OXER1: variants seen among roughly 807,000 people sequenced by gnomAD.
OXER1 encodes oxoeicosanoid receptor 1.
For synonymous variants in OXER1, 258 were observed against 245.8 expected, an observed-to-expected ratio of 1.05 and a Z score of -0.47; for missense variants, 587 against 551.7, an observed-to-expected ratio of 1.06 and a Z score of -0.64.
chr2:42,762,656 A>G (rs1170682571), exon 1 of OXER1: 9 of 510,760 alleles, frequency 1.8e-5, no homozygotes, highest in Non-Finnish European at 2.8e-5. Context: ...TGCCAACGGC[A>G]CCTTGCCTGT....
rs1011798961 is a variant in OXER1 at position 42,763,888 on chromosome 2, T to C, written c.292A>G (p.Ile98Val). The change falls in exon 1 of 1, where the codon ATC becomes GTC. Residue 98 changes from isoleucine (I) to valine (V), a missense_variant. By Grantham distance (29) the Ile-to-Val change is conservative. Transcript: ENST00000378661. This position sits in a 1 kb window ranked among gnomAD's most constrained non-coding sequence, Gnocchi z 4.4. ...CCCAGGACAAACTCCAGGGCCAGGA[T>C]TGGTGCCAGGAAGGCAGACACCAGC... is the stretch of plus-strand genomic sequence containing the variant. The C allele has an allele frequency of 1.2e-6, 2 of 1,613,768 alleles. No homozygotes were observed. The highest frequency in any genetic ancestry group is 8.5e-7 in the Non-Finnish European group (1 of 1,179,974).
chr2:42,764,115 C>T lies in OXER1; in HGVS notation c.65G>A (p.Cys22Tyr), dbSNP rs774249867. 2.5e-6 allele frequency: 4 copies of T among 1,614,042 alleles called. No individual in the cohort carries two copies. In the East Asian group the frequency reaches 6.7e-5, roughly 27 times the overall value. ...AAGGTTCTGGAGTCTTCTACCCCTG[C>T]AGGAGTGCTCAGGGCAAAGTGGGAT... The change falls in exon 1 of 1, where the codon TGC (cysteine) becomes TAC (tyrosine). Residue 22 changes from cysteine to tyrosine, a missense_variant. Cys to Tyr is a radical substitution (Grantham distance 194, BLOSUM62 -2). Transcript: ENST00000378661.
At chr2:42,764,053 G>A (rs761848018) in exon 1 of OXER1, 17 of 1,613,992 alleles carry the variant, frequency 1.1e-5, no homozygotes, top group Non-Finnish European at 1.4e-5. Context: ...CTCAGGTTAT[G>A]AAGTTCCATG....
exon 1 of OXER1, chr2:42,762,927 T>G (rs750743290): frequency 6.2e-7 from 1 of 1,612,924 alleles, no homozygotes; most frequent in Admixed American, 1.7e-5. Flanking sequence ...GGAGGAGCCT[T>G]CCTTTTCCAG....
Position 42,763,608 on chromosome 2 carries a change from T to G in OXER1, c.572A>C (p.Tyr191Ser). The G allele has an allele frequency of 6.2e-7, 1 of 1,610,436 alleles. No homozygotes were observed. The highest frequency in any genetic ancestry group is 8.5e-7 in the Non-Finnish European group (1 of 1,178,456). Residue 191 changes from tyrosine to serine, a missense_variant, in exon 1 of 1, where the codon TAC (tyrosine) becomes TCC (serine). By Grantham distance (144) the Tyr-to-Ser change is moderately radical (BLOSUM62 -2). Transcript: ENST00000378661. This position sits in a 1 kb window ranked among gnomAD's most constrained non-coding sequence, Gnocchi z 4.4. ...GTGGTGGGGCTGCACCACCTTCAGGTAGCGGTTGAGTGCGATGGCTGTGAG... is the reference window on the plus strand; with the variant it reads ...GTGGTGGGGCTGCACCACCTTCAGGGAGCGGTTGAGTGCGATGGCTGTGAG...
At position 42,763,265 on chromosome 2, in the gene OXER1, G is replaced by C. The variant is rs756274880; in HGVS notation, c.915C>G (p.Thr305=). Residue 305 remains threonine, a synonymous_variant, in exon 1 of 1, where the codon ACC becomes ACG. Coordinates refer to ENST00000378661, the Ensembl canonical transcript of OXER1. The surrounding 1 kb of genome is among the most constrained non-coding windows in gnomAD (Gnocchi z 4.4). ...AGATGATGCTGGGCAAGAAGCAGAT[G>C]GTGTAGACGGCCACCACCATGGCCA... The C allele has an allele frequency of 4.3e-6, 7 of 1,612,904 alleles. No individual in the cohort carries two copies. The highest frequency in any genetic ancestry group is 5.1e-6 in the Non-Finnish European group (6 of 1,179,660).
At chr2:42,762,736 G>C (rs1670497724) in exon 1 of OXER1, 1 of 673,752 alleles carries the variant, frequency 1.5e-6, no homozygotes. Context: ...GAGAGGCCTA[G>C]GTGGGTTTCT....
In OXER1 at chr2:42,763,352, C is replaced by T. The variant is rs1377867624; in HGVS notation, c.828G>A (p.Gly276=). The T allele has an allele frequency of 1.9e-6, 3 of 1,611,728 alleles. No individual in the cohort carries two copies. The highest frequency in any genetic ancestry group is 4.5e-5 in the East Asian group (2 of 44,836). Residue 276 remains glycine, a synonymous_variant, in exon 1 of 1, where the codon GGG becomes GGA. Transcript: ENST00000378661. The surrounding 1 kb of genome is among the most constrained non-coding windows in gnomAD (Gnocchi z 4.4). ...CCAGACCACGGTTCCGGATGGTGAGCCCAATGCTCACAATAGCAAAGAGGA... is the reference window on the plus strand; with the variant it reads ...CCAGACCACGGTTCCGGATGGTGAGTCCAATGCTCACAATAGCAAAGAGGA...
At position 42,763,419 on chromosome 2, in the gene OXER1, T is replaced by G; in HGVS notation, c.761A>C (p.Gln254Pro). The G allele has an allele frequency of 6.3e-7, 1 of 1,588,340 alleles. No homozygotes were observed. The highest frequency in any genetic ancestry group is 1.1e-5 in the South Asian group (1 of 88,172). The change falls in exon 1 of 1, where the codon CAG becomes CCG. Residue 254 changes from glutamine to proline, a missense_variant. Transcript: ENST00000378661. The surrounding 1 kb of genome is among the most constrained non-coding windows in gnomAD (Gnocchi z 4.4). ...GAAGAACTCCAGCAGGTACAGTGCCTGGTGCCAGCGGAGCGAGGCCGAGGG... is the reference window on the plus strand; with the variant it reads ...GAAGAACTCCAGCAGGTACAGTGCCGGGTGCCAGCGGAGCGAGGCCGAGGG...
In OXER1 at chr2:42,763,629, G is replaced by T. The variant is rs1670541931; in HGVS notation, c.551C>A (p.Thr184Lys). 3 of 1,613,424 alleles carry T rather than the reference G, an allele frequency of 1.9e-6. No homozygotes were observed. Among genetic ancestry groups the T allele is most frequent in the African/African-American group, 2.7e-5 (2 of 74,932 alleles). The change falls in exon 1 of 1, where the codon ACA becomes AAA. Residue 184 changes from threonine to lysine, a missense_variant. Physicochemically the swap from Thr to Lys is moderately conservative, Grantham distance 78 (BLOSUM62 -1). Coordinates refer to ENST00000378661, the Ensembl canonical transcript of OXER1. The surrounding 1 kb of genome is among the most constrained non-coding windows in gnomAD (Gnocchi z 4.4). ...CAGGTAGCGGTTGAGTGCGATGGCT[G>T]TGAGGAAGACAACGCTGGCCGTGCG...
chr2:42,763,740 A>T lies in OXER1; in HGVS notation c.440T>A (p.Leu147His), dbSNP rs1558653247. 2 of 1,614,084 alleles carry T rather than the reference A, an allele frequency of 1.2e-6. No individual in the cohort carries two copies. The highest frequency in any genetic ancestry group is 1.7e-6 in the Non-Finnish European group (2 of 1,180,012). Reference sequence around the variant, plus strand: ...ATGGAGGAGGTAGTAGTCCACGCGGAGGGGCAGGTTGCTGATCAGGAGGAA... The same window carrying T: ...ATGGAGGAGGTAGTAGTCCACGCGGTGGGGCAGGTTGCTGATCAGGAGGAA... The change falls in exon 1 of 1, where the codon CTC becomes CAC. Residue 147 changes from leucine (L) to histidine (H), a missense_variant. Leu to His is a moderately conservative substitution (Grantham distance 99). Coordinates refer to ENST00000378661, the Ensembl canonical transcript of OXER1. This position sits in a 1 kb window ranked among gnomAD's most constrained non-coding sequence, Gnocchi z 4.4.
chr2:42,763,893 G>A lies in OXER1; in HGVS notation c.287C>T (p.Ala96Val). The A allele has an allele frequency of 6.2e-7, 1 of 1,613,972 alleles. No individual in the cohort carries two copies. The highest frequency in any genetic ancestry group is 8.5e-7 in the Non-Finnish European group (1 of 1,180,032). ...GACAAACTCCAGGGCCAGGATTGGT[G>A]CCAGGAAGGCAGACACCAGCGAGGA... is the stretch of plus-strand genomic sequence containing the variant. Residue 96 changes from alanine (A) to valine (V), a missense_variant, in exon 1 of 1, where the codon GCA becomes GTA. By Grantham distance (64) the Ala-to-Val change is moderately conservative (BLOSUM62 0). Transcript: ENST00000378661. The surrounding 1 kb of genome is among the most constrained non-coding windows in gnomAD (Gnocchi z 4.4).
rs149479883 is a variant in OXER1, at chr2:42,762,948, C to T, written c.1232G>A (p.Gly411Asp). Residue 411 changes from glycine (G) to aspartate (D), a missense_variant, in exon 1 of 1, where the codon GGC becomes GAC. Gly to Asp is a moderately conservative substitution (Grantham distance 94, BLOSUM62 -1). Coordinates refer to ENST00000378661, the Ensembl canonical transcript of OXER1. ...GCCTTCCTTTTCCAGAGAGACCTCG[C>T]CCTGCACTTTCAGCTTCCCTATGGC... 705 of 1,613,672 alleles carry T rather than the reference C, an allele frequency of 4.4e-4. 1 individual carries two copies. Among genetic ancestry groups the T allele is most frequent in the Middle Eastern group, 1.7e-3 (10 of 6,060 alleles).
chr2:42,763,520 G>A lies in OXER1; in HGVS notation c.660C>T (p.Ile220=). 6.4e-7 allele frequency: 1 copy of A among 1,555,732 alleles called. No individual in the cohort carries two copies. Among genetic ancestry groups the A allele is most frequent in the Non-Finnish European group, 8.7e-7 (1 of 1,150,004 alleles). Residue 220 remains isoleucine (I), a synonymous_variant, in exon 1 of 1, where the codon ATC becomes ATT. Coordinates refer to ENST00000378661, the Ensembl canonical transcript of OXER1. This position sits in a 1 kb window ranked among gnomAD's most constrained non-coding sequence, Gnocchi z 4.4. ...GGAGCAGGTGCCCGTTGAGGAGCAG[G>A]ATGCCCACCCAGAGTCCCCCGGCCA...
the OXER1 span, chr2:42,763,329 AG>A: frequency 1.9e-6 from 3 of 1,612,984 alleles, no homozygotes; most frequent in Non-Finnish European, 2.5e-6. The surrounding 1 kb of genome is among the most constrained non-coding windows in gnomAD (Gnocchi z 4.4). Context: ...CTGCCCGCCC[AG>A]ACCACGGTTC....
At chr2:42,762,923 G>C (rs1007944333) in exon 1 of OXER1, 2 of 1,612,652 alleles carry the variant, frequency 1.2e-6, no homozygotes, top group Non-Finnish European at 8.5e-7. Flanking sequence ...CCTGGGAGGA[G>C]CCTTCCTTTT....
At chr2:42,762,778 C>CTTTG in exon 1 of OXER1, 1 of 1,105,836 alleles carries the variant, frequency 9.0e-7, no homozygotes, top group Non-Finnish European at 1.3e-6. Flanking sequence ...CCTGCCAGTG[C>CTTTG]TTTGGCCTGG....
rs759572081 is a variant in OXER1, at chr2:42,763,029, C to T, written c.1151G>A (p.Ser384Asn). 71 of 1,613,978 alleles carry T rather than the reference C, an allele frequency of 4.4e-5. No homozygotes were observed. Among genetic ancestry groups the T allele is most frequent in the Non-Finnish European group, 5.8e-5 (69 of 1,180,040 alleles). ...CCACTGCCTGGAGGGTTGGTAGGAG[C>T]TCTCGTCGCTCACTGGGCCCTGCCG... The change falls in exon 1 of 1, where the codon AGC becomes AAC. Residue 384 changes from serine (S) to asparagine (N), a missense_variant. Coordinates refer to ENST00000378661, the Ensembl canonical transcript of OXER1. The surrounding 1 kb of genome is among the most constrained non-coding windows in gnomAD (Gnocchi z 4.4).
Position 42,763,865 on chromosome 2 carries a change from C to A in OXER1, c.315G>T (p.Leu105=). 1.2e-6 allele frequency: 2 copies of A among 1,613,932 alleles called. No homozygotes were observed. The highest frequency in any genetic ancestry group is 1.7e-6 in the Non-Finnish European group (2 of 1,180,010). Residue 105 remains leucine (L), a synonymous_variant, in exon 1 of 1, where the codon CTG becomes CTT. Coordinates refer to ENST00000378661, the Ensembl canonical transcript of OXER1. The surrounding 1 kb of genome is among the most constrained non-coding windows in gnomAD (Gnocchi z 4.4). ...GGGCCAAACTGTTCCCCACCAGGCC[C>A]AGGACAAACTCCAGGGCCAGGATTG...
Sources: gnomAD v4.1 joint callset for allele counts on GRCh38, gnomAD v4.1.1 for gene constraint, Gnocchi (gnomAD v3.1) non-coding constraint, MANE v1.5 for transcripts, NCBI Gene and HGNC (gene_info 2026-07-23, HGNC 2026-07-21) for gene names.